NTRK2: variants seen among roughly 807,000 people sequenced by gnomAD.
NTRK2 encodes the protein BDNF/NT-3 growth factors receptor.
NTRK2 carries 13 observed loss-of-function variants against 94.5 expected under a neutral mutation model. That is an observed-to-expected ratio of 0.14 (90% CI 0.09 to 0.22). The LOEUF (loss-of-function observed/expected upper bound fraction) is 0.22. Ranked by LOEUF, NTRK2 falls within the 10% of genes least tolerant of loss-of-function variation. NTRK2 has a pLI of 1.00. For missense variants in NTRK2, 639 were observed against 1,071.2 expected, an observed-to-expected ratio of 0.60 and a Z score of 5.63; for synonymous variants, 372 against 407.4, an observed-to-expected ratio of 0.91 and a Z score of 1.05.
chr9:84,693,472 A>AT lies in NTRK2; in HGVS notation c.213-8680dup, dbSNP rs552613963. On this transcript the variant is annotated intron_variant, in intron 2 of 18. Coordinates refer to ENST00000277120, the MANE Select transcript of NTRK2 (RefSeq NM_006180.6). ...CACTCAGAGAGAAATACAGAGTGTA[A>AT]TTTTTTTCTTTATAATATTTTGAAG... 4.6e-5 allele frequency among the ~76,000 whole-genome samples: 7 copies of AT among 152,202 alleles called. No individual in the cohort carries two copies. The South Asian group carries it at 1.2e-3, about 27-fold the overall frequency.
chr9:84,708,323 C>CAA (rs1019843380), intron 5 of NTRK2, among the ~76,000 whole-genome samples: 2 of 152,088 alleles, frequency 1.3e-5, no homozygotes, highest in Non-Finnish European at 2.9e-5. Context: ...TAAAAATGGG[C>CAA]AAAACTCTGC....
chr9:84,892,574 T>A (rs528801897), intron 14 of NTRK2, among the ~76,000 whole-genome samples: 24 of 152,336 alleles, frequency 1.6e-4, no homozygotes, highest in African/African-American at 5.8e-4. Flanking sequence ...TAGAAGCAAT[T>A]CAGAATAAGC....
chr9:84,820,946 G>T (rs1395854844), intron 12 of NTRK2, among the ~76,000 whole-genome samples: 6 of 152,140 alleles, frequency 3.9e-5, no homozygotes, highest in Non-Finnish European at 1.5e-5. Context: ...TTCTGGCATT[G>T]TTTCTCTGAG....
intron 2 of NTRK2, among the ~76,000 whole-genome samples, chr9:84,671,983 C>T (rs965823956): frequency 6.6e-6 from 1 of 152,070 alleles, no homozygotes; most frequent in Non-Finnish European, 1.5e-5. Context: ...TATTCGTATA[C>T]GTGGAAGATT....
At chr9:84,796,958 A>C (rs2069404823) in intron 12 of NTRK2, among the ~76,000 whole-genome samples, 1 of 152,208 alleles carries the variant, frequency 6.6e-6, no homozygotes, top group African/African-American at 2.4e-5. Context: ...TCCTTTATAT[A>C]TATGAAAGTA....
intron 17 of NTRK2, among the ~76,000 whole-genome samples, chr9:84,994,999 A>G (rs1829565760): frequency 6.6e-6 from 1 of 152,222 alleles, no homozygotes; most frequent in African/African-American, 2.4e-5. Flanking sequence ...TCCTAAGAAG[A>G]GGGAATATTG....
intron 12 of NTRK2, among the ~76,000 whole-genome samples, chr9:84,761,921 T>G (rs1192429914): frequency 6.6e-6 from 1 of 152,208 alleles, no homozygotes; most frequent in Admixed American, 6.5e-5. Context: ...CCCATAATTC[T>G]CATGTGTCTT....
chr9:84,794,000 A>G (rs2069004930), intron 12 of NTRK2, among the ~76,000 whole-genome samples: 2 of 152,178 alleles, frequency 1.3e-5, no homozygotes, highest in African/African-American at 4.8e-5. Context: ...TCTATGCAAA[A>G]TGGAGTGGTT....
At chr9:84,867,860 G>C (rs2132067733) in intron 14 of NTRK2, among the ~76,000 whole-genome samples, 1 of 152,362 alleles carries the variant, frequency 6.6e-6, no homozygotes, top group East Asian at 1.9e-4. Context: ...AAGGCACTGT[G>C]TTGCCCACAG....
chr9:84,847,764 T>C (rs1281962372), intron 12 of NTRK2, among the ~76,000 whole-genome samples: 1 of 152,172 alleles, frequency 6.6e-6, no homozygotes, highest in Non-Finnish European at 1.5e-5. Context: ...TCACATAGGT[T>C]GCCTGGGAGT....
chr9:84,812,509 C>T (rs2071922040), intron 12 of NTRK2: 1 of 1,047,590 alleles, frequency 9.5e-7, no homozygotes, highest in Admixed American at 5.5e-5. Context: ...ATGACAGTTT[C>T]TGTCATTACT....
At chr9:84,674,267 G>A (rs1215914261) in intron 2 of NTRK2, among the ~76,000 whole-genome samples, 3 of 152,056 alleles carry the variant, frequency 2.0e-5, no homozygotes, top group Non-Finnish European at 4.4e-5. Context: ...TTCTCCAGTG[G>A]TATTCTCTGA....
At chr9:84,780,701 C>T (rs1564257037) in intron 12 of NTRK2, among the ~76,000 whole-genome samples, 1 of 152,232 alleles carries the variant, frequency 6.6e-6, no homozygotes, top group South Asian at 2.1e-4. Context: ...GAAAGAGACA[C>T]CTTCAAAGCT....
chr9:84,679,049 T>C (rs2059234639), intron 2 of NTRK2, among the ~76,000 whole-genome samples: 1 of 152,206 alleles, frequency 6.6e-6, no homozygotes, highest in African/African-American at 2.4e-5. Flanking sequence ...CTTCCTGCCA[T>C]GTGAGGACAC....
chr9:84,959,019 A>T (rs1824531327), intron 17 of NTRK2, among the ~76,000 whole-genome samples: 1 of 152,182 alleles, frequency 6.6e-6, no homozygotes, highest in Non-Finnish European at 1.5e-5. Context: ...TTGAAAGCTT[A>T]ACCTTGAACC....
rs557179349 is a variant in NTRK2, at chr9:84,783,827, G to A, written c.1396+31742G>A. On this transcript the variant is annotated intron_variant, in intron 12 of 18. Transcript: ENST00000277120. ...AGAGACTGCTGGGTTGTGGGGGCAG[G>A]GCATGAAGGGGGCTAGGGAGTTGAC... is the stretch of plus-strand genomic sequence containing the variant. Among the ~76,000 whole-genome samples the A allele has an allele frequency of 1.4e-4, 22 of 152,018 alleles. No homozygotes were observed. In the South Asian group the frequency reaches 4.0e-3, roughly 27 times the overall value.
At chr9:84,878,864 G>T (rs1007780375) in intron 14 of NTRK2, among the ~76,000 whole-genome samples, 1 of 152,078 alleles carries the variant, frequency 6.6e-6, no homozygotes, top group African/African-American at 2.4e-5. Flanking sequence ...AAGCTGTTAT[G>T]TGTACATAAA....
intron 12 of NTRK2, among the ~76,000 whole-genome samples, chr9:84,795,294 C>T (rs1311445196): frequency 1.3e-5 from 2 of 152,132 alleles, no homozygotes; most frequent in Non-Finnish European, 2.9e-5. Flanking sequence ...ACTTTCAGAC[C>T]TGCCGTGACC....
At chr9:84,979,933 A>G (rs748856768) in intron 17 of NTRK2, among the ~76,000 whole-genome samples, 2 of 152,242 alleles carry the variant, frequency 1.3e-5, no homozygotes, top group Non-Finnish European at 2.9e-5. Flanking sequence ...AGGTATCTAC[A>G]TTGTTTTTAT....
Sources: allele counts gnomAD v4.1 joint callset (sites outside exome capture counted in the v4.1 genomes callset), GRCh38; gene constraint gnomAD v4.1.1; transcripts MANE v1.5; gene names NCBI Gene and HGNC (gene_info 2026-07-23, HGNC 2026-07-21).